Variants in SPMIP2 observed in about 807,000 individuals in gnomAD.
SPMIP2 encodes sperm microtubule inner protein 2.
the SPMIP2 span, among the ~76,000 whole-genome samples, chr4:159,080,914 G>A: frequency 1.3e-5 from 2 of 152,176 alleles, no homozygotes; most frequent in East Asian, 3.9e-4. Flanking sequence ...TAGTAGAGAC[G>A]GGTTTTCACC....
chr4:159,033,418 T>C, the SPMIP2 span, among the ~76,000 whole-genome samples: 3 of 152,144 alleles, frequency 2.0e-5, no homozygotes, highest in South Asian at 6.2e-4. Context: ...CCCATATATT[T>C]AATAGCATAA....
the SPMIP2 span, among the ~76,000 whole-genome samples, chr4:159,061,272 A>C: frequency 6.6e-6 from 1 of 151,890 alleles, no homozygotes; most frequent in African/African-American, 2.4e-5. Context: ...CAACTGTGAG[A>C]GCTGGCCCCA....
At chr4:159,058,572 AG>A in the SPMIP2 span, among the ~76,000 whole-genome samples, 1 of 152,198 alleles carries the variant, frequency 6.6e-6, no homozygotes. Flanking sequence ...AATAGGTTTA[AG>A]GGCAACTCTA....
At chr4:158,937,660 C>T in the SPMIP2 span, 1 of 154,448 alleles carries the variant, frequency 6.5e-6, no homozygotes, top group Non-Finnish European at 1.5e-5. Flanking sequence ...TGTCTTTAGA[C>T]ATTGTCTTGG....
the SPMIP2 span, among the ~76,000 whole-genome samples, chr4:159,074,104 T>C: frequency 6.6e-6 from 1 of 152,202 alleles, no homozygotes; most frequent in Non-Finnish European, 1.5e-5. Context: ...GGTCAAGACT[T>C]TTCTAGTGCA....
the SPMIP2 span, among the ~76,000 whole-genome samples, chr4:158,978,744 CT>C: frequency 6.0e-5 from 9 of 150,970 alleles, no homozygotes; most frequent in Middle Eastern, 3.4e-3. Context: ...GCAAACCCTG[CT>C]TTTTTTTTGC....
chr4:158,964,141 T>G, the SPMIP2 span, among the ~76,000 whole-genome samples: 3 of 123,354 alleles, frequency 2.4e-5, no homozygotes, highest in Non-Finnish European at 4.9e-5. Flanking sequence ...GGCAACAGAG[T>G]GAGACTATCT....
the SPMIP2 span, among the ~76,000 whole-genome samples, chr4:158,943,858 C>CTTTCTTTTTTTT: frequency 2.9e-5 from 3 of 101,934 alleles, no homozygotes; most frequent in African/African-American, 1.2e-4. Context: ...TTGACATTTT[C>CTTTCTTTTTTTT]TTTTTTTTTT....
chr4:159,043,620 T>G, the SPMIP2 span, among the ~76,000 whole-genome samples: 1 of 152,252 alleles, frequency 6.6e-6, no homozygotes, highest in African/African-American at 2.4e-5. Context: ...GTGCTGGGAT[T>G]ACGGGCGTGA....
the SPMIP2 span, chr4:158,895,806 A>C: frequency 6.2e-7 from 1 of 1,613,374 alleles, no homozygotes; most frequent in Non-Finnish European, 8.5e-7. Flanking sequence ...GTAAAATGCT[A>C]TCTGAATATC....
At chr4:159,026,635 C>T in the SPMIP2 span, 7 of 309,110 alleles carry the variant, frequency 2.3e-5, no homozygotes, top group African/African-American at 1.5e-4. Context: ...GTTCAATTAT[C>T]TTTATCACAA....
At chr4:158,939,427 C>A in the SPMIP2 span, among the ~76,000 whole-genome samples, 2 of 152,130 alleles carry the variant, frequency 1.3e-5, no homozygotes, top group African/African-American at 2.4e-5. Context: ...CCCATAATAT[C>A]TTTTGATATG....
the SPMIP2 span, among the ~76,000 whole-genome samples, chr4:159,080,856 TG>T: frequency 1.3e-5 from 2 of 151,866 alleles, no homozygotes; most frequent in African/African-American, 2.4e-5. Flanking sequence ...CCTGAGTAGC[TG>T]GGACTACAGG....
the SPMIP2 span, among the ~76,000 whole-genome samples, chr4:159,044,368 CAAAAAAAAA>C: frequency 1.0e-5 from 1 of 100,308 alleles, no homozygotes; most frequent in East Asian, 2.7e-4. Context: ...GACTCCATCT[CAAAAAAAAA>C]AAAAAAAAAA....
chr4:158,904,672 T>G, the SPMIP2 span: 1 of 804,810 alleles, frequency 1.2e-6, no homozygotes, highest in African/African-American at 1.7e-5. Flanking sequence ...TCCACCTTTT[T>G]GTTTTGTGTT....
At chr4:158,911,388 T>TAAATAAATAAATA in the SPMIP2 span, among the ~76,000 whole-genome samples, 6 of 148,582 alleles carry the variant, frequency 4.0e-5, no homozygotes, top group South Asian at 2.1e-4. Flanking sequence ...ATAAATAAAA[T>TAAATAAATAAATA]AAATAAAAGC....
chr4:159,032,573 T>C, the SPMIP2 span, among the ~76,000 whole-genome samples: 1 of 152,176 alleles, frequency 6.6e-6, no homozygotes, highest in African/African-American at 2.4e-5. Context: ...GAAGAAATTT[T>C]AAGTGTTAAT....
the SPMIP2 span, among the ~76,000 whole-genome samples, chr4:158,950,928 GTC>G: frequency 6.6e-6 from 1 of 152,022 alleles, no homozygotes; most frequent in African/African-American, 2.4e-5. Context: ...TGAAGGGAGG[GTC>G]TGTGGGAATG....
At chr4:158,978,447 TG>T in the SPMIP2 span, among the ~76,000 whole-genome samples, 1 of 152,214 alleles carries the variant, frequency 6.6e-6, no homozygotes, top group Non-Finnish European at 1.5e-5. Flanking sequence ...CATCCAGAGC[TG>T]AATTCAAGTC....
Sources: allele counts gnomAD v4.1 joint callset (sites outside exome capture counted in the v4.1 genomes callset), GRCh38; gene constraint gnomAD v4.1.1; transcripts MANE v1.5; gene names NCBI Gene and HGNC (gene_info 2026-07-23, HGNC 2026-07-21).